Variants in SGO1 observed in about 807,000 individuals in gnomAD.
SGO1 encodes the protein serologically defined breast cancer antigen NY-BR-85.
In SGO1, 39 loss-of-function variants were observed where a neutral mutation model predicts 50.5. The observed-to-expected ratio is 0.77, with a 90% CI of 0.60 to 1.01. The LOEUF (loss-of-function observed/expected upper bound fraction) is 1.01, where lower values mean the gene tolerates loss of function less well. Ranked by LOEUF, SGO1 falls within the 50% of genes least tolerant of loss-of-function variation. The pLI, the probability that SGO1 is intolerant of heterozygous loss-of-function variation, is 0.00. For missense variants in SGO1, 638 were observed against 606.0 expected, an observed-to-expected ratio of 1.05 and a Z score of -0.55; for synonymous variants, 191 against 205.1, an observed-to-expected ratio of 0.93 and a Z score of 0.59.
At chr3:20,165,242 C>A (rs1301698931), downstream of SGO1, among the ~76,000 whole-genome samples, 5 of 152,076 alleles carry the variant, frequency 3.3e-5, no homozygotes, top group Non-Finnish European at 7.4e-5. Flanking sequence ...TTTTAAACAA[C>A]CAGCTGTCTT....
chr3:20,184,949 A>G (rs961628032), intron 1 of SGO1, among the ~76,000 whole-genome samples: 2 of 152,112 alleles, frequency 1.3e-5, no homozygotes, highest in African/African-American at 2.4e-5. Context: ...CTTGTTTCCA[A>G]TAACAATCTA....
rs1015559849 is a variant in SGO1, at chr3:20,161,041, G to T, written c.*64C>A. On this transcript the variant is annotated 3_prime_UTR_variant, in exon 9 of 9. Coordinates refer to the SGO1 transcript ENST00000263753. The stretch of plus-strand genomic sequence containing the variant: ...CACATAAAGCTAGAATCTATTAAAG[G>T]TCTGCATACATTAGTGAATGCATGG... The T allele has an allele frequency of 2.5e-6, 4 of 1,607,148 alleles. No individual in the cohort carries two copies. The African/African-American group carries it at 5.4e-5, about 22-fold the overall frequency.
chr3:20,162,350 T>C (rs1700080390), intron 8 of SGO1, among the ~76,000 whole-genome samples: 1 of 152,124 alleles, frequency 6.6e-6, no homozygotes, highest in East Asian at 1.9e-4. Flanking sequence ...AGACATTCAG[T>C]GAAAACCCCA....
chr3:20,184,631 A>G (rs955019591), intron 1 of SGO1, among the ~76,000 whole-genome samples: 2 of 152,226 alleles, frequency 1.3e-5, no homozygotes, highest in African/African-American at 4.8e-5. Context: ...TACAATTTTA[A>G]TAGGCTATTG....
At position 20,178,331 on chromosome 3, in the gene SGO1, G is replaced by T. The variant is rs773411730; in HGVS notation, c.356C>A (p.Ser119Tyr). Residue 119 changes from serine to tyrosine, a missense_variant, in exon 4 of 8, where the codon TCC (serine) becomes TAC (tyrosine). Physicochemically the swap from Ser to Tyr is moderately radical, Grantham distance 144 (BLOSUM62 -2). Coordinates refer to ENST00000412997, the MANE Select transcript of SGO1 (RefSeq NM_001199251.3). ...ATCACTATTGGGGTCCATTCCAGAG[G>T]AACATATTTCCTGGTTCTGTTAATG... ...VEPAQNQEIC[S>Y]SGMDPNSDDS... The T allele has an allele frequency of 6.2e-7, 1 of 1,611,622 alleles. No homozygotes were observed. The highest frequency in any genetic ancestry group is 2.2e-5 in the East Asian group (1 of 44,786).
intron 8 of SGO1, among the ~76,000 whole-genome samples, chr3:20,163,213 GAAGA>G (rs1700129193): frequency 6.6e-6 from 1 of 151,976 alleles, no homozygotes; most frequent in Admixed American, 6.6e-5. Flanking sequence ...GACTGATCAA[GAAGA>G]AAGCACAAAT....
intron 6 of SGO1, 100 bp from the exon 7 acceptor site, chr3:20,171,332 A>G: frequency 1.0e-6 from 1 of 981,770 alleles, no homozygotes; most frequent in South Asian, 2.3e-5. Flanking sequence ...CACAAAATCC[A>G]GCATTTAATA....
Position 20,183,644 on chromosome 3 carries a change from T to C in SGO1, c.303A>G (p.Gly101=), listed in dbSNP as rs765290430. 9 of 1,599,904 alleles carry C rather than the reference T, an allele frequency of 5.6e-6. No individual in the cohort carries two copies. The South Asian group carries it at 9.1e-5, about 16-fold the overall frequency. The part of the protein sequence containing the change: ...YLTCQLYALK[G]KLTSQQTVEP... ...CTACTGTTTGTTGTGATGTAAGTTTTCCTTTCAATGCATATAGCTGACATG... is the reference window on the plus strand; with the variant it reads ...CTACTGTTTGTTGTGATGTAAGTTTCCCTTTCAATGCATATAGCTGACATG... The change falls in exon 3 of 8, where the codon GGA becomes GGG. Residue 101 remains glycine (G), a synonymous_variant. Coordinates refer to ENST00000412997, the MANE Select transcript of SGO1 (RefSeq NM_001199251.3).
intron 6 of SGO1, 48 bp from the exon 7 acceptor site, chr3:20,171,280 C>A: frequency 2.1e-6 from 3 of 1,437,512 alleles, no homozygotes; most frequent in Non-Finnish European, 1.9e-6. Context: ...AAAACCCACA[C>A]AAAAACTTAA....
At chr3:20,183,577 C>G (rs779778211) in intron 3 of SGO1, 31 bp downstream of exon 3, 7 of 1,517,912 alleles carry the variant, frequency 4.6e-6, no homozygotes, top group Non-Finnish European at 6.2e-6. Context: ...CTTAACTAAA[C>G]TAAGAAATTC....
At chr3:20,164,044 A>G (rs56296022) in intron 8 of SGO1, among the ~76,000 whole-genome samples, 38,164 of 152,138 alleles carry the variant, frequency 0.25, 4,759 homozygotes, top group Admixed American at 0.27. Flanking sequence ...CTGTTTCAGA[A>G]AAGAGGAGGT....
At chr3:20,171,751 C>T (rs951137368) in intron 6 of SGO1, among the ~76,000 whole-genome samples, 3 of 152,218 alleles carry the variant, frequency 2.0e-5, no homozygotes, top group East Asian at 3.9e-4. Flanking sequence ...CTTATAAAGC[C>T]GCTAAAACTC....
At chr3:20,161,423 G>A (rs978661488) in intron 8 of SGO1, among the ~76,000 whole-genome samples, 1 of 152,080 alleles carries the variant, frequency 6.6e-6, no homozygotes, top group African/African-American at 2.4e-5. Flanking sequence ...TAAAAATAGA[G>A]AAAACATTAA....
intron 8 of SGO1, among the ~76,000 whole-genome samples, chr3:20,163,264 T>C (rs918773045): frequency 2.0e-5 from 3 of 152,156 alleles, no homozygotes; most frequent in African/African-American, 7.2e-5. Context: ...AAGCACAGCC[T>C]GTTGCCAGCA....
In SGO1 at chr3:20,161,322, G is replaced by A. The variant is rs542302865; in HGVS notation, c.1565-96C>T. The A allele has an allele frequency of 3.8e-5, 53 of 1,398,874 alleles. No individual in the cohort carries two copies. In the African/African-American group the frequency reaches 7.0e-4, roughly 18 times the overall value. The allele number at this position is 1,398,874 out of a possible 1,614,324, so 86.7% of individuals were successfully genotyped here. ...AGGAAAAATAAGTTCCATGAAGGAT[G>A]AGCTCACAATAAAAAATTAGAAAAT... On this transcript the variant is annotated intron_variant, in intron 8 of 8. Transcript: ENST00000263753.
At position 20,174,582 on chromosome 3, in the gene SGO1, T is replaced by C. The variant is rs1436545485; in HGVS notation, c.949A>G (p.Lys317Glu). 1 of 1,603,298 alleles carries C rather than the reference T, an allele frequency of 6.2e-7. No individual in the cohort carries two copies. The stretch of plus-strand genomic sequence containing the variant: ...ATTTTTTTTTGGGGAACAGTTTTTT[T>C]ATTTTCGCTTTTATTCTCTTTATAT... The part of the protein sequence containing the change: ...SKYKENKSEN[K>E]KTVPQKKMHK... Residue 317 changes from lysine (K) to glutamate (E), a missense_variant, in exon 6 of 8, where the codon AAA (lysine) becomes GAA (glutamate). Coordinates refer to ENST00000412997, the MANE Select transcript of SGO1 (RefSeq NM_001199251.3).
At chr3:20,171,564 G>A (rs924677955) in intron 6 of SGO1, among the ~76,000 whole-genome samples, 6 of 152,114 alleles carry the variant, frequency 3.9e-5, no homozygotes, top group Non-Finnish European at 8.8e-5. Context: ...AAACCAGACA[G>A]TGTTGAAATA....
intron 3 of SGO1, among the ~76,000 whole-genome samples, chr3:20,180,517 C>T (rs1426027425): frequency 2.0e-5 from 3 of 151,946 alleles, no homozygotes; most frequent in Non-Finnish European, 4.4e-5. Context: ...GAAGAGAGAA[C>T]AATATTCCAG....
downstream of SGO1, among the ~76,000 whole-genome samples, chr3:20,165,341 C>T (rs796706549): frequency 5.3e-5 from 8 of 152,294 alleles, no homozygotes; most frequent in African/African-American, 1.7e-4. Flanking sequence ...ATGACCCAAA[C>T]ACCTGCTATT....
Sources: allele counts gnomAD v4.1 joint callset (sites outside exome capture counted in the v4.1 genomes callset), GRCh38; gene constraint gnomAD v4.1.1; transcripts MANE v1.5; gene names NCBI Gene and HGNC (gene_info 2026-07-23, HGNC 2026-07-21).